The following TCF7L1 variants were observed in gnomAD, a reference collection of about 807,000 sequenced individuals.
The protein encoded by TCF7L1 is transcription factor 7 like 1.
In TCF7L1, 18 loss-of-function variants were observed where a neutral mutation model predicts 63.7. That is an observed-to-expected ratio of 0.28 (90% confidence interval 0.20 to 0.42). The LOEUF (loss-of-function observed/expected upper bound fraction) is 0.42, where lower values mean the gene tolerates loss of function less well. Among genes scored for constraint, TCF7L1 ranks in the 10% least tolerant of loss-of-function variants. The pLI is 1.00. For synonymous variants in TCF7L1, 355 were observed against 340.9 expected, an observed-to-expected ratio of 1.04 and a Z score of -0.46; for missense variants, 654 against 779.3, an observed-to-expected ratio of 0.84 and a Z score of 1.91.
intron 3 of TCF7L1, among the ~76,000 whole-genome samples, chr2:85,256,227 A>T (rs2043230): frequency 0.52 from 79,135 of 151,874 alleles, 21,138 homozygotes; most frequent in Non-Finnish European, 0.58. Context: ...CCAACCCAGT[A>T]CATCGATGGT....
chr2:85,279,712 A>G (rs189257722), intron 3 of TCF7L1, among the ~76,000 whole-genome samples: 13 of 152,256 alleles, frequency 8.5e-5, no homozygotes, highest in Admixed American at 6.5e-4. Flanking sequence ...GAAAAGGGAA[A>G]GTCACGATCC....
At chr2:85,190,599 G>A (rs559808930) in intron 3 of TCF7L1, among the ~76,000 whole-genome samples, 1 of 152,264 alleles carries the variant, frequency 6.6e-6, no homozygotes, top group South Asian at 2.1e-4. Context: ...TAGGAACATG[G>A]GGGAATGAAA....
At chr2:85,144,557 A>AC (rs1249820340) in intron 3 of TCF7L1, among the ~76,000 whole-genome samples, 1 of 151,614 alleles carries the variant, frequency 6.6e-6, no homozygotes, top group Non-Finnish European at 1.5e-5. Flanking sequence ...AGCCAAGATT[A>AC]CCCCACTGTA....
rs747918276 is a variant in TCF7L1 at position 85,302,623 on chromosome 2, C to T, written c.658+7C>T. On this transcript the variant is annotated splice_region_variant and intron_variant, in intron 5 of 11. Coordinates refer to ENST00000282111, the MANE Select transcript of TCF7L1 (RefSeq NM_031283.3). The stretch of plus-strand genomic sequence containing the variant: ...GAGATCGATCCAAAGACAGGTAAGT[C>T]GTCTGCCACTCAGGCAGTGCTGCTG... 3.3e-5 allele frequency: 46 copies of T among 1,408,110 alleles called. No homozygotes were observed. The highest frequency in any genetic ancestry group is 2.8e-4 in the Admixed American group (15 of 53,250). 87.2% of individuals were successfully genotyped at this position (1,408,110 alleles called of 1,614,324 possible).
intron 3 of TCF7L1, among the ~76,000 whole-genome samples, chr2:85,265,345 A>G (rs1400626691): frequency 6.6e-6 from 1 of 152,070 alleles, no homozygotes; most frequent in Non-Finnish European, 1.5e-5. Flanking sequence ...TTAAATCATA[A>G]TGGGGAACGC....
intron 3 of TCF7L1, among the ~76,000 whole-genome samples, chr2:85,177,181 G>C (rs1424006277): frequency 6.6e-6 from 1 of 152,002 alleles, no homozygotes; most frequent in Non-Finnish European, 1.5e-5. Flanking sequence ...AGTGGAAAGA[G>C]AACAAGCCAG....
intron 3 of TCF7L1, among the ~76,000 whole-genome samples, chr2:85,215,645 T>C (rs1028329464): frequency 2.6e-5 from 4 of 152,056 alleles, no homozygotes; most frequent in African/African-American, 9.7e-5. Context: ...ATTTATAGAT[T>C]GCTCCTTTGG....
chr2:85,168,192 A>AACACACACACACACACACACACAC (rs55736939), intron 3 of TCF7L1, among the ~76,000 whole-genome samples: 106 of 145,692 alleles, frequency 7.3e-4, no homozygotes, highest in African/African-American at 2.5e-3. Flanking sequence ...GTTCTTACCA[A>AACACACACACACACACACACACAC]ACACACACAC....
At chr2:85,189,507 C>T (rs1678999325) in intron 3 of TCF7L1, among the ~76,000 whole-genome samples, 1 of 152,272 alleles carries the variant, frequency 6.6e-6, no homozygotes, top group Admixed American at 6.5e-5. Context: ...CTCTAGCCCT[C>T]TAAGGCTTCT....
chr2:85,193,186 C>A (rs1028124784), intron 3 of TCF7L1, among the ~76,000 whole-genome samples: 1 of 152,116 alleles, frequency 6.6e-6, no homozygotes, highest in African/African-American at 2.4e-5. Flanking sequence ...CTTTTATTCT[C>A]GTGGGTGATG....
chr2:85,229,044 G>A (rs1680016985), intron 3 of TCF7L1, among the ~76,000 whole-genome samples: 2 of 134,874 alleles, frequency 1.5e-5, no homozygotes, highest in African/African-American at 2.9e-5. Flanking sequence ...AAAAAAGAAA[G>A]GAAAAGAAAT....
chr2:85,153,617 A>T (rs1159532788), intron 3 of TCF7L1, among the ~76,000 whole-genome samples: 1 of 152,196 alleles, frequency 6.6e-6, no homozygotes, highest in East Asian at 1.9e-4. Flanking sequence ...CTGGGATTAC[A>T]GGCGTGAGCC....
chr2:85,273,800 C>T (rs1454726274), intron 3 of TCF7L1, among the ~76,000 whole-genome samples: 1 of 152,166 alleles, frequency 6.6e-6, no homozygotes, highest in Admixed American at 6.5e-5. Context: ...GAGGAGGCAG[C>T]TCTGTGGGGA....
At chr2:85,168,502 G>A (rs903696219) in intron 3 of TCF7L1, among the ~76,000 whole-genome samples, 3 of 152,124 alleles carry the variant, frequency 2.0e-5, no homozygotes, top group African/African-American at 4.8e-5. Context: ...TGGGGGTGTC[G>A]GGGAGTCATG....
At chr2:85,219,465 A>G (rs1006865736) in intron 3 of TCF7L1, among the ~76,000 whole-genome samples, 25 of 152,228 alleles carry the variant, frequency 1.6e-4, no homozygotes, top group Admixed American at 1.3e-4. Context: ...TAGAAACAAC[A>G]TATGTGGCCA....
rs564677072 is a variant in TCF7L1 at position 85,136,188 on chromosome 2, C to T, written c.441+1738C>T. On this transcript the variant is annotated intron_variant, in intron 3 of 11. Coordinates refer to ENST00000282111, the MANE Select transcript of TCF7L1 (RefSeq NM_031283.3). ...ATGCAGTTAAAGTCACCAGAAATGA[C>T]TATTTCACCATCAAATATGACTATG... Among the ~76,000 whole-genome samples the T allele has an allele frequency of 2.6e-5, 4 of 152,268 alleles. No individual in the cohort carries two copies. The East Asian group carries it at 7.7e-4, about 29-fold the overall frequency.
intron 3 of TCF7L1, among the ~76,000 whole-genome samples, chr2:85,253,574 G>T (rs760895390): frequency 2.0e-5 from 3 of 152,180 alleles, no homozygotes; most frequent in Non-Finnish European, 4.4e-5. Context: ...CTGTTTCCTG[G>T]TCCACCAGAG....
chr2:85,231,680 A>T (rs1573001621), intron 3 of TCF7L1, among the ~76,000 whole-genome samples: 1 of 152,070 alleles, frequency 6.6e-6, no homozygotes, highest in African/African-American at 2.4e-5. Flanking sequence ...ATGTTGTAAA[A>T]TCGACTCCCC....
intron 3 of TCF7L1, among the ~76,000 whole-genome samples, chr2:85,179,309 T>C (rs899183420): frequency 6.6e-6 from 1 of 152,118 alleles, no homozygotes; most frequent in African/African-American, 2.4e-5. Context: ...CCTGGAGGAA[T>C]AGTTCTCAAA....
Sources: allele counts gnomAD v4.1 joint callset (sites outside exome capture counted in the v4.1 genomes callset), GRCh38; gene constraint gnomAD v4.1.1; transcripts MANE v1.5; gene names NCBI Gene and HGNC (gene_info 2026-07-23, HGNC 2026-07-21).